Variants in SNN observed in about 807,000 individuals in gnomAD.
The protein encoded by SNN is AG8_1.
Under a neutral mutation model 5.3 loss-of-function variants are expected in SNN, and 5 were observed. The observed-to-expected ratio is 0.94, with a 90% confidence interval of 0.49 to 1.97. SNN has a LOEUF of 1.97. Among genes scored for constraint, SNN ranks in the 30% most tolerant of loss-of-function variants. SNN has a pLI of 0.01. For synonymous variants in SNN, 67 were observed against 52.1 expected (o/e 1.29, Z -1.24); for missense variants, 127 against 121.6 (o/e 1.04, Z -0.21).
rs1422815040 is a variant in SNN, at chr16:11,668,749, C to G, written c.-86+209C>G. 6.7e-6 allele frequency among the ~76,000 whole-genome samples: 1 copy of G among 150,260 alleles called. No homozygotes were observed. Among genetic ancestry groups the G allele is most frequent in the Non-Finnish European group, 1.5e-5 (1 of 67,296 alleles). ...CCCGCGGGCTGGGGTTCTTTGTCAGCGGCGCTGCGGCGAGATCCGGACAAA... is the reference window on the plus strand; with the variant it reads ...CCCGCGGGCTGGGGTTCTTTGTCAGGGGCGCTGCGGCGAGATCCGGACAAA... On this transcript the variant is annotated intron_variant, in intron 1 of 1. Coordinates refer to ENST00000329565, the MANE Select transcript of SNN (RefSeq NM_003498.6). The surrounding 1 kb of genome is among the most constrained non-coding windows in gnomAD (Gnocchi z 6.8).
intron 1 of SNN, among the ~76,000 whole-genome samples, chr16:11,674,907 G>T (rs8191316): frequency 0.011 from 1,640 of 152,262 alleles, 28 homozygotes; most frequent in South Asian, 0.084. Context: ...GTTACAGTCT[G>T]GCGCCTGCAT....
intron 1 of SNN, among the ~76,000 whole-genome samples, chr16:11,669,184 G>T (rs934559163): frequency 6.6e-6 from 1 of 152,310 alleles, no homozygotes; most frequent in South Asian, 2.1e-4. Flanking sequence ...GTGGAGTGGG[G>T]GAGACGCCGG....
chr16:11,675,272 T>C (rs1315848373), intron 1 of SNN, among the ~76,000 whole-genome samples: 1 of 146,100 alleles, frequency 6.8e-6, no homozygotes, highest in Non-Finnish European at 1.5e-5. Context: ...TTTTTTTTTT[T>C]TTTTTGAAGA....
intron 1 of SNN, among the ~76,000 whole-genome samples, chr16:11,673,979 TC>T (rs1437632587): frequency 6.6e-6 from 1 of 152,202 alleles, no homozygotes; most frequent in Non-Finnish European, 1.5e-5. Flanking sequence ...GCTGCCGGTT[TC>T]CCCGGGCCTG....
Position 11,668,494 on chromosome 16 carries a change from C to T in SNN, c.-132C>T. On this transcript the variant is annotated 5_prime_UTR_variant, in exon 1 of 2. Transcript: ENST00000329565. This position sits in a 1 kb window ranked among gnomAD's most constrained non-coding sequence, Gnocchi z 6.8. Reference sequence around the variant, plus strand: ...CGGACCGGGCGGGCGGAGCCGGGCCCGCGGGGCTGCTGCGGGGCGATCGGG... The same window carrying T: ...CGGACCGGGCGGGCGGAGCCGGGCCTGCGGGGCTGCTGCGGGGCGATCGGG... 6.9e-6 allele frequency: 1 copy of T among 145,324 alleles called. No homozygotes were observed. The highest frequency in any genetic ancestry group is 2.1e-4 in the South Asian group (1 of 4,824). The allele number at this position is 145,324 out of a possible 1,614,324, so 9.0% of individuals were successfully genotyped here. A position where few individuals can be genotyped will look rare whatever the true frequency, so the allele number is the denominator to read the frequency against.
In SNN at chr16:11,676,447, C is replaced by T. The variant is rs1159490703; in HGVS notation, c.*121C>T. 2.6e-5 allele frequency: 32 copies of T among 1,254,068 alleles called. No homozygotes were observed. The highest frequency in any genetic ancestry group is 3.2e-5 in the Non-Finnish European group (29 of 910,628). 77.7% of individuals were successfully genotyped at this position (1,254,068 alleles called of 1,614,324 possible). A position where few individuals can be genotyped will look rare whatever the true frequency, so the allele number is the denominator to read the frequency against. The stretch of plus-strand genomic sequence containing the variant: ...CTGACACTTGCTGGCATGGCCTCTG[C>T]GGGCTTCGTCATCGCATGCACTGAT... On this transcript the variant is annotated 3_prime_UTR_variant, in exon 2 of 2. Transcript: ENST00000329565.
Position 11,671,485 on chromosome 16 carries a change from G to C in SNN, c.-86+2945G>C, listed in dbSNP as rs188073610. On this transcript the variant is annotated intron_variant, in intron 1 of 1. Transcript: ENST00000329565. This position sits in a 1 kb window ranked among gnomAD's most constrained non-coding sequence, Gnocchi z 4.7. The stretch of plus-strand genomic sequence containing the variant: ...CTCTGGGCTCCCATCCTGCCTTCTG[G>C]CTTTTTGCTTCACCTCCCTGCGTGC... Among the ~76,000 whole-genome samples the C allele has an allele frequency of 6.6e-6, 1 of 152,268 alleles. No homozygotes were observed. The highest frequency in any genetic ancestry group is 2.4e-5 in the African/African-American group (1 of 41,552).
rs8191289 is a variant in SNN, at chr16:11,671,853, G to A, written c.-86+3313G>A. Among the ~76,000 whole-genome samples, 2 of 152,068 alleles carry A rather than the reference G, an allele frequency of 1.3e-5. No individual in the cohort carries two copies. The highest frequency in any genetic ancestry group is 4.8e-5 in the African/African-American group (2 of 41,418). Reference sequence around the variant, plus strand: ...CTGCCCTCCGCGCTTTGAGTTTCCCGGGGCTCTGCTTGGCCACCCCCTTCC... The same window carrying A: ...CTGCCCTCCGCGCTTTGAGTTTCCCAGGGCTCTGCTTGGCCACCCCCTTCC... On this transcript the variant is annotated intron_variant, in intron 1 of 1. Coordinates refer to ENST00000329565, the MANE Select transcript of SNN (RefSeq NM_003498.6). This position sits in a 1 kb window ranked among gnomAD's most constrained non-coding sequence, Gnocchi z 4.7.
chr16:11,676,312 G>A lies in SNN; in HGVS notation c.253G>A (p.Glu85Lys). Residue 85 changes from glutamate to lysine, a missense_variant, in exon 2 of 2, where the codon GAA becomes AAA. Coordinates refer to ENST00000329565, the MANE Select transcript of SNN (RefSeq NM_003498.6). Reference sequence around the variant, plus strand: ...CAAGCTGATGACTCCCAACGGCCCGGAAGTCCACGGCTGAGCCAGGATGCA... The same window carrying A: ...CAAGCTGATGACTCCCAACGGCCCGAAAGTCCACGGCTGAGCCAGGATGCA... The part of the protein sequence containing the change: ...KAKLMTPNGP[E>K]VHG 6.2e-7 allele frequency: 1 copy of A among 1,613,296 alleles called. No homozygotes were observed. The highest frequency in any genetic ancestry group is 8.5e-7 in the Non-Finnish European group (1 of 1,179,320).
chr16:11,677,944 G>A lies in SNN; in HGVS notation c.*1618G>A, dbSNP rs144312346. 1,532 of 167,262 alleles carry A rather than the reference G, an allele frequency of 9.2e-3. 25 individuals are homozygous for A. The highest frequency in any genetic ancestry group is 0.078 in the South Asian group (374 of 4,824). The allele number at this position is 167,262 out of a possible 1,614,324, so 10.4% of individuals were successfully genotyped here. A position where few individuals can be genotyped will look rare whatever the true frequency, so the allele number is the denominator to read the frequency against. On this transcript the variant is annotated 3_prime_UTR_variant, in exon 2 of 2. Coordinates refer to ENST00000329565, the MANE Select transcript of SNN (RefSeq NM_003498.6). This position sits in a 1 kb window ranked among gnomAD's most constrained non-coding sequence, Gnocchi z 4.2. ...AGGCGGGAGAAGTAGGGAGCTGTTC[G>A]TTTAAGCAGCATACACCTAAATTGG...
Position 11,676,014 on chromosome 16 carries a change from G to A in SNN, c.-46G>A. 6.5e-7 allele frequency: 1 copy of A among 1,532,764 alleles called. No homozygotes were observed. The highest frequency in any genetic ancestry group is 8.8e-7 in the Non-Finnish European group (1 of 1,138,968). The allele number at this position is 1,532,764 out of a possible 1,614,324, so 94.9% of individuals were successfully genotyped here. On this transcript the variant is annotated 5_prime_UTR_variant, in exon 2 of 2. Coordinates refer to ENST00000329565, the MANE Select transcript of SNN (RefSeq NM_003498.6). ...GCCTGAGTTCCAGCCTCACTGAGTG[G>A]CCACCCCCAAAGTGCTGCCAGCCGA...
chr16:11,670,527 G>T (rs1567278692), intron 1 of SNN, among the ~76,000 whole-genome samples: 1 of 152,206 alleles, frequency 6.6e-6, no homozygotes, highest in South Asian at 2.1e-4. Context: ...ACACAGGAAG[G>T]TGTGGCTGGT....
At chr16:11,674,692 C>T (rs374793035) in intron 1 of SNN, among the ~76,000 whole-genome samples, 2 of 152,320 alleles carry the variant, frequency 1.3e-5, no homozygotes, top group South Asian at 2.1e-4. Flanking sequence ...GCTGGTGCCC[C>T]GACTCCTGGC....
At chr16:11,674,766 C>T (rs1408775140) in intron 1 of SNN, among the ~76,000 whole-genome samples, 1 of 152,244 alleles carries the variant, frequency 6.6e-6, no homozygotes. Flanking sequence ...CTGCCAGGAA[C>T]ACTATTCCCC....
chr16:11,671,460 C>G lies in SNN; in HGVS notation c.-86+2920C>G, dbSNP rs1366701592. Among the ~76,000 whole-genome samples the G allele has an allele frequency of 6.6e-6, 1 of 152,152 alleles. No individual in the cohort carries two copies. The highest frequency in any genetic ancestry group is 2.4e-5 in the African/African-American group (1 of 41,434). On this transcript the variant is annotated intron_variant, in intron 1 of 1. Transcript: ENST00000329565. This position sits in a 1 kb window ranked among gnomAD's most constrained non-coding sequence, Gnocchi z 4.7. ...GACCCCTTGGCTCTGCTGGGCTCCC[C>G]TCTGGGCTCCCATCCTGCCTTCTGG...
Position 11,676,505 on chromosome 16 carries a change from C to A in SNN, c.*179C>A. The A allele has an allele frequency of 1.3e-6, 1 of 762,244 alleles. No individual in the cohort carries two copies. The highest frequency in any genetic ancestry group is 2.1e-6 in the Non-Finnish European group (1 of 473,430). 47.2% of individuals were successfully genotyped at this position (762,244 alleles called of 1,614,324 possible). A position where few individuals can be genotyped will look rare whatever the true frequency, so the allele number is the denominator to read the frequency against. On this transcript the variant is annotated 3_prime_UTR_variant, in exon 2 of 2. Coordinates refer to ENST00000329565, the MANE Select transcript of SNN (RefSeq NM_003498.6). ...GACCTGGCTGTCCTGGGCTTCCCCT[C>A]GGCCTCCAGGTGAGGCTGCCCATTG...
intron 1 of SNN, among the ~76,000 whole-genome samples, chr16:11,674,940 A>C (rs1298011753): frequency 2.0e-5 from 3 of 152,112 alleles, no homozygotes; most frequent in Non-Finnish European, 1.5e-5. Context: ...ACCATCAGGG[A>C]GGGAGCCTCT....
chr16:11,670,229 CA>C (rs2050258615), intron 1 of SNN, among the ~76,000 whole-genome samples: 1 of 148,614 alleles, frequency 6.7e-6, no homozygotes, highest in Non-Finnish European at 1.5e-5. Flanking sequence ...TGGGGGGAGG[CA>C]GTACTGAAAG....
In SNN at chr16:11,668,473, C is replaced by G. The variant is rs2050243107; in HGVS notation, c.-153C>G. ...GCGTCCCGAGTGCGCGGCGGCCGGA[C>G]CGGGCGGGCGGAGCCGGGCCCGCGG... On this transcript the variant is annotated 5_prime_UTR_variant, in exon 1 of 2. Transcript: ENST00000329565. The surrounding 1 kb of genome is among the most constrained non-coding windows in gnomAD (Gnocchi z 6.8). The G allele has an allele frequency of 6.8e-6, 1 of 146,056 alleles. No individual in the cohort carries two copies. The highest frequency in any genetic ancestry group is 1.5e-5 in the Non-Finnish European group (1 of 65,704). 9.0% of individuals were successfully genotyped at this position (146,056 alleles called of 1,614,324 possible).
Sources: allele counts gnomAD v4.1 joint callset (sites outside exome capture counted in the v4.1 genomes callset), GRCh38; gene constraint gnomAD v4.1.1; non-coding constraint Gnocchi (gnomAD v3.1); transcripts MANE v1.5; gene names NCBI Gene and HGNC (gene_info 2026-07-23, HGNC 2026-07-21).